CSMD3: variants seen among roughly 807,000 people sequenced by gnomAD.
CSMD3 encodes CUB and sushi domain-containing protein 3.
CSMD3 carries 177 observed loss-of-function variants against 435.2 expected under a neutral mutation model. The observed-to-expected ratio is 0.41, with a 90% CI of 0.36 to 0.46. The LOEUF (loss-of-function observed/expected upper bound fraction) is 0.46, where lower values mean the gene tolerates loss of function less well. Ranked by LOEUF, CSMD3 falls within the 20% of genes least tolerant of loss-of-function variation. CSMD3 has a pLI of 0.34. For missense variants in CSMD3, 4,265 were observed against 4,504.6 expected, an observed-to-expected ratio of 0.95 and a Z score of 1.52; for synonymous variants, 1,656 against 1,520.5, an observed-to-expected ratio of 1.09 and a Z score of -2.07.
chr8:112,541,369 C>T (rs929278110), intron 27 of CSMD3, among the ~76,000 whole-genome samples: 1 of 151,670 alleles, frequency 6.6e-6, no homozygotes, highest in African/African-American at 2.4e-5. Context: ...TTGAGATTCC[C>T]TTAGCTATTC....
intron 16 of CSMD3, among the ~76,000 whole-genome samples, chr8:112,673,148 A>G (rs2075695987): frequency 6.6e-6 from 1 of 151,988 alleles, no homozygotes. Flanking sequence ...GGACAATCAG[A>G]CAATGACAGT....
At chr8:113,344,686 T>C (rs2094140871) in intron 1 of CSMD3, among the ~76,000 whole-genome samples, 1 of 152,116 alleles carries the variant, frequency 6.6e-6, no homozygotes. Context: ...ATAGGTAACA[T>C]GGAAAGACAC....
At chr8:112,286,400 C>T (rs1370034910) in intron 58 of CSMD3, among the ~76,000 whole-genome samples, 6 of 151,984 alleles carry the variant, frequency 3.9e-5, no homozygotes, top group Admixed American at 2.6e-4. Flanking sequence ...AATATCATGT[C>T]GTCCCACATG....
At chr8:112,327,970 C>T (rs1173461405) in intron 45 of CSMD3, among the ~76,000 whole-genome samples, 1 of 152,172 alleles carries the variant, frequency 6.6e-6, no homozygotes, top group Non-Finnish European at 1.5e-5. Flanking sequence ...GCTATTAAAG[C>T]CTTCTTCAAA....
intron 10 of CSMD3, among the ~76,000 whole-genome samples, chr8:112,904,219 G>A (rs547535636): frequency 1.4e-3 from 216 of 151,434 alleles, no homozygotes; most frequent in African/African-American, 2.4e-3. Flanking sequence ...ATTGTACAGC[G>A]CGGTGACTAT....
rs1053878243 is a variant in CSMD3, at chr8:113,167,760, T to C, written c.709+5962A>G. ...ATAAAATAATTCCATTACCAAACAA[T>C]TCATGCTTAACTTGCTTGTTCTTTA... is the stretch of plus-strand genomic sequence containing the variant. On this transcript the variant is annotated intron_variant, in intron 4 of 70. Coordinates refer to ENST00000297405, the MANE Select transcript of CSMD3 (RefSeq NM_198123.2). Among the ~76,000 whole-genome samples the C allele has an allele frequency of 1.1e-3, 171 of 152,298 alleles. 2 individuals are homozygous for C. Among genetic ancestry groups the C allele is most frequent in the Admixed American group, 9.8e-4 (15 of 15,288 alleles).
chr8:112,859,139 T>C lies in CSMD3; in HGVS notation c.1755+6A>G, dbSNP rs781548499. On this transcript the variant is annotated splice_donor_region_variant and intron_variant, in intron 11 of 70. Coordinates refer to ENST00000297405, the MANE Select transcript of CSMD3 (RefSeq NM_198123.2). Reference sequence around the variant, plus strand: ...TTTTTTTAAATCACAGATGGTGTTCTCTTACCTTATTTGTATTCACTGCTG... The same window carrying C: ...TTTTTTTAAATCACAGATGGTGTTCCCTTACCTTATTTGTATTCACTGCTG... 6.2e-7 allele frequency: 1 copy of C among 1,609,446 alleles called. No homozygotes were observed. Among genetic ancestry groups the C allele is most frequent in the African/African-American group, 1.3e-5 (1 of 74,888 alleles).
intron 9 of CSMD3, among the ~76,000 whole-genome samples, chr8:112,933,685 T>C (rs929390634): frequency 1.2e-4 from 18 of 152,166 alleles, no homozygotes; most frequent in Non-Finnish European, 2.4e-4. Flanking sequence ...AAAATTAGAA[T>C]GACAAGAACT....
At chr8:113,025,431 A>G (rs1032026070) in intron 5 of CSMD3, among the ~76,000 whole-genome samples, 1 of 152,160 alleles carries the variant, frequency 6.6e-6, no homozygotes, top group South Asian at 2.1e-4. Flanking sequence ...ACTTACGGTA[A>G]TAATGGCCAC....
At chr8:112,341,740 T>C (rs1563813569) in intron 41 of CSMD3, 54 bp from the exon 42 acceptor site, 2 of 1,076,786 alleles carry the variant, frequency 1.9e-6, no homozygotes, top group Non-Finnish European at 2.8e-6. Context: ...GAATTAAACA[T>C]AAATATACAC....
rs547046065 is a variant in CSMD3, at chr8:113,099,902, T to C, written c.710-939A>G. ...GAAATAAATTGTCTTATTACTTATG[T>C]TATTGCCTTGGCCAACTCAGGGAAT... On this transcript the variant is annotated intron_variant, in intron 4 of 70. Coordinates refer to ENST00000297405, the MANE Select transcript of CSMD3 (RefSeq NM_198123.2). 5.9e-5 allele frequency among the ~76,000 whole-genome samples: 9 copies of C among 152,230 alleles called. No homozygotes were observed. In the East Asian group the frequency reaches 1.5e-3, roughly 26 times the overall value.
intron 13 of CSMD3, among the ~76,000 whole-genome samples, chr8:112,785,164 A>G (rs1424643167): frequency 6.6e-6 from 1 of 152,032 alleles, no homozygotes; most frequent in Non-Finnish European, 1.5e-5. Flanking sequence ...ACAAATCTAT[A>G]TAGTTATTTC....
intron 9 of CSMD3, among the ~76,000 whole-genome samples, chr8:112,927,100 TC>T (rs887889480): frequency 5.5e-4 from 83 of 152,236 alleles, no homozygotes; most frequent in African/African-American, 1.9e-3. Context: ...TGATTTAATA[TC>T]TTTAAAAGTC....
intron 8 of CSMD3, among the ~76,000 whole-genome samples, chr8:112,948,651 A>T (rs1462441167): frequency 6.6e-6 from 1 of 152,016 alleles, no homozygotes; most frequent in African/African-American, 2.4e-5. Flanking sequence ...AATAAATTCA[A>T]TCTTAAAGTG....
intron 23 of CSMD3, among the ~76,000 whole-genome samples, chr8:112,582,701 T>C (rs2131335943): frequency 6.6e-6 from 1 of 152,106 alleles, no homozygotes; most frequent in South Asian, 2.1e-4. Context: ...GTCTCAATAT[T>C]TGTGTCCCCC....
chr8:112,572,550 G>T (rs1166398926), intron 24 of CSMD3, among the ~76,000 whole-genome samples: 2 of 151,856 alleles, frequency 1.3e-5, no homozygotes, highest in Admixed American at 6.6e-5. Flanking sequence ...TAACTTCTTA[G>T]TTTCTATAAT....
rs1454471002 is a variant in CSMD3 at position 113,339,521 on chromosome 8, C to A, written c.179-24728G>T. ...TAGAACATCATACAAACGTTTACTG[C>A]TAAAGTGTCTACCTCTCTTAGGAGA... On this transcript the variant is annotated intron_variant, in intron 1 of 70. Coordinates refer to ENST00000297405, the MANE Select transcript of CSMD3 (RefSeq NM_198123.2). Among the ~76,000 whole-genome samples, 4 of 151,918 alleles carry A rather than the reference C, an allele frequency of 2.6e-5. No individual in the cohort carries two copies. The East Asian group carries it at 7.7e-4, about 29-fold the overall frequency.
At chr8:112,803,674 C>A (rs2079012800) in intron 12 of CSMD3, among the ~76,000 whole-genome samples, 1 of 152,170 alleles carries the variant, frequency 6.6e-6, no homozygotes, top group African/African-American at 2.4e-5. Flanking sequence ...TATAATTCTA[C>A]ATTTATCTTG....
chr8:112,637,867 A>G (rs773715223), intron 21 of CSMD3, among the ~76,000 whole-genome samples: 46 of 151,988 alleles, frequency 3.0e-4, no homozygotes, highest in Non-Finnish European at 8.8e-5. Context: ...GCATCCAAAC[A>G]TTTCCACCCA....
Sources: gnomAD v4.1 joint callset for allele counts (sites outside exome capture counted in the v4.1 genomes callset) on GRCh38, gnomAD v4.1.1 for gene constraint, MANE v1.5 for transcripts, NCBI Gene and HGNC (gene_info 2026-07-23, HGNC 2026-07-21) for gene names.